The following ANGPTL5 variants were observed in gnomAD, a reference collection of about 807,000 sequenced individuals.
The protein encoded by ANGPTL5 is angiopoietin-related protein 5.
Under a neutral mutation model 39.4 loss-of-function variants are expected in ANGPTL5, and 34 were observed. The ratio of observed to expected loss-of-function variants is 0.86; its 90% CI spans 0.66 to 1.15. ANGPTL5 has a LOEUF of 1.15. ANGPTL5 is among the 50% of genes most tolerant of loss of function. The pLI, the probability that ANGPTL5 is intolerant of heterozygous loss-of-function variation, is 0.00. For missense variants in ANGPTL5, 467 were observed against 457.5 expected, an observed-to-expected ratio of 1.02 and a Z score of -0.19; for synonymous variants, 146 against 152.1, an observed-to-expected ratio of 0.96 and a Z score of 0.29.
At chr11:101,915,136 C>G (rs1440901784) in intron 1 of ANGPTL5, 1 of 1,214,306 alleles carries the variant, frequency 8.2e-7, no homozygotes, top group Admixed American at 2.6e-5. Flanking sequence ...TGCGCGGGAG[C>G]TAGGGCTGTC....
Position 101,891,341 on chromosome 11 carries a change from G to A in ANGPTL5, c.1105C>T (p.Pro369Ser). Reference sequence around the variant, plus strand: ...ATTGAAACAGATTTAATCTTGACAGGTGAGTTGTTTTTGGTCCACGTGCCC... The same window carrying A: ...ATTGAAACAGATTTAATCTTGACAGATGAGTTGTTTTTGGTCCACGTGCCC... ...QWGTWTKNNS[P>S]VKIKSVSMKI... The change falls in exon 9 of 9, where the codon CCT (proline) becomes TCT (serine). Residue 369 changes from proline to serine, a missense_variant. By Grantham distance (74) the Pro-to-Ser change is moderately conservative. Coordinates refer to ENST00000334289, the MANE Select transcript of ANGPTL5 (RefSeq NM_178127.5). 1.2e-6 allele frequency: 2 copies of A among 1,613,994 alleles called. No individual in the cohort carries two copies. The highest frequency in any genetic ancestry group is 1.7e-6 in the Non-Finnish European group (2 of 1,179,962).
At chr11:101,895,087 T>C (rs1283944659) in intron 7 of ANGPTL5, 23 bp from the exon 8 acceptor site, 2 of 1,437,298 alleles carry the variant, frequency 1.4e-6, no homozygotes, top group Non-Finnish European at 9.6e-7. Context: ...TGCTTTGTTT[T>C]AATATATTTT....
At chr11:101,909,185 T>G (rs955310462) in intron 1 of ANGPTL5, among the ~76,000 whole-genome samples, 7 of 152,242 alleles carry the variant, frequency 4.6e-5, no homozygotes, top group Non-Finnish European at 1.0e-4. Context: ...TTAAAATAAT[T>G]ATCTGTTCTC....
At chr11:101,905,631 A>C in intron 4 of ANGPTL5, 113 bp downstream of exon 4, 1 of 742,152 alleles carries the variant, frequency 1.3e-6, no homozygotes, top group East Asian at 2.7e-5. Flanking sequence ...CTAACATGGT[A>C]GGCGCTAAAT....
In ANGPTL5 at chr11:101,905,771, T is replaced by C. The variant is rs763694973; in HGVS notation, c.318A>G (p.Gln106=). The change falls in exon 4 of 9, where the codon CAA becomes CAG. Residue 106 remains glutamine, a synonymous_variant. Coordinates refer to ENST00000334289, the MANE Select transcript of ANGPTL5 (RefSeq NM_178127.5). The part of the protein sequence containing the change: ...KLLRNMMDEQ[Q]ASLDYLSNQV... ...GATTAGATAAATAATCCAAGGAAGC[T>C]TGTTGCTCATCCATCATATTCCTTA... 5 of 1,610,556 alleles carry C rather than the reference T, an allele frequency of 3.1e-6. No homozygotes were observed. The highest frequency in any genetic ancestry group is 4.2e-6 in the Non-Finnish European group (5 of 1,177,416).
At chr11:101,901,510 G>T (rs1478861021) in intron 6 of ANGPTL5, among the ~76,000 whole-genome samples, 2 of 152,096 alleles carry the variant, frequency 1.3e-5, no homozygotes, top group Non-Finnish European at 2.9e-5. Flanking sequence ...GGCACCCATA[G>T]AAGCGATATA....
intron 7 of ANGPTL5, among the ~76,000 whole-genome samples, chr11:101,898,591 C>G (rs553288114): frequency 3.2e-4 from 49 of 152,314 alleles, no homozygotes; most frequent in Middle Eastern, 6.8e-3. Flanking sequence ...CATCTGCAAA[C>G]AGAGACAATT....
chr11:101,912,667 T>G (rs1305574732), intron 1 of ANGPTL5, among the ~76,000 whole-genome samples: 1 of 152,210 alleles, frequency 6.6e-6, no homozygotes, highest in Admixed American at 6.5e-5. Context: ...GAATGAAGAA[T>G]AATTATATAA....
intron 8 of ANGPTL5, 74 bp downstream of exon 8, chr11:101,894,805 A>G: frequency 7.3e-7 from 1 of 1,360,690 alleles, no homozygotes; most frequent in Non-Finnish European, 1.0e-6. Context: ...CAAATGCATT[A>G]TTTTTATCTT....
Position 101,907,139 on chromosome 11 carries a change from T to C in ANGPTL5, c.205A>G (p.Thr69Ala), listed in dbSNP as rs768146804. Reference protein sequence around the residue: ...EDCEESCDVKTKITREEKHFM... With the variant: ...EDCEESCDVKAKITREEKHFM... ...TGTTTTTCTTCTCGTGTAATTTTAGTTTTAACATCACATGATTCCTCACAG... is the reference window on the plus strand; with the variant it reads ...TGTTTTTCTTCTCGTGTAATTTTAGCTTTAACATCACATGATTCCTCACAG... The change falls in exon 3 of 9, where the codon ACT (threonine) becomes GCT (alanine). Residue 69 changes from threonine (T) to alanine (A), a missense_variant. Thr to Ala is a moderately conservative substitution (Grantham distance 58, BLOSUM62 0). Transcript: ENST00000334289. 2 of 1,589,942 alleles carry C rather than the reference T, an allele frequency of 1.3e-6. No individual in the cohort carries two copies. Among genetic ancestry groups the C allele is most frequent in the Middle Eastern group, 1.7e-4 (1 of 5,976 alleles).
chr11:101,905,713 C>T (rs1939987510), intron 4 of ANGPTL5, 31 bp downstream of exon 4: 1 of 1,418,658 alleles, frequency 7.0e-7, no homozygotes, highest in Non-Finnish European at 9.9e-7. Flanking sequence ...CGTGTACATG[C>T]AATAACAACA....
chr11:101,913,236 TA>T (rs1043477383), intron 1 of ANGPTL5, among the ~76,000 whole-genome samples: 2 of 152,078 alleles, frequency 1.3e-5, no homozygotes, highest in Non-Finnish European at 2.9e-5. Context: ...CTTTGTGTCC[TA>T]AAAAAAATTT....
At chr11:101,905,170 A>T (rs561394629) in intron 4 of ANGPTL5, among the ~76,000 whole-genome samples, 3 of 152,164 alleles carry the variant, frequency 2.0e-5, no homozygotes, top group Admixed American at 6.5e-5. Flanking sequence ...TGTCCAAACC[A>T]TTGCTGTAGT....
At chr11:101,895,492 T>G (rs1591251342) in intron 7 of ANGPTL5, among the ~76,000 whole-genome samples, 1 of 152,184 alleles carries the variant, frequency 6.6e-6, no homozygotes, top group Non-Finnish European at 1.5e-5. Context: ...AATGAGAAGG[T>G]TTAACCTCCA....
intron 1 of ANGPTL5, chr11:101,915,069 G>C (rs115730613): frequency 5.2e-6 from 3 of 577,930 alleles, no homozygotes; most frequent in Non-Finnish European, 8.6e-6. Flanking sequence ...ATCTGCTATT[G>C]CCCGGCGAGG....
chr11:101,891,701 T>C (rs919732189), intron 8 of ANGPTL5, 103 bp from the exon 9 acceptor site: 1 of 1,141,492 alleles, frequency 8.8e-7, no homozygotes, highest in African/African-American at 1.5e-5. Flanking sequence ...GGAAATAGGG[T>C]TTAAATTATT....
At chr11:101,900,777 TCAAA>T (rs1055824040) in intron 6 of ANGPTL5, among the ~76,000 whole-genome samples, 104 of 152,290 alleles carry the variant, frequency 6.8e-4, no homozygotes, top group African/African-American at 2.3e-3. Context: ...CTGTTTATTA[TCAAA>T]CAAATTTGTA....
At chr11:101,901,844 T>C (rs1277732154) in intron 6 of ANGPTL5, among the ~76,000 whole-genome samples, 1 of 152,084 alleles carries the variant, frequency 6.6e-6, no homozygotes, top group Non-Finnish European at 1.5e-5. Flanking sequence ...AAAAAGTGAC[T>C]TTATTATCCA....
intron 8 of ANGPTL5, among the ~76,000 whole-genome samples, chr11:101,893,794 C>T (rs1306603526): frequency 6.6e-6 from 1 of 152,148 alleles, no homozygotes; most frequent in Non-Finnish European, 1.5e-5. Context: ...GTGTAAACCC[C>T]TCAGGTATCA....
Sources: gnomAD v4.1 joint callset for allele counts (sites outside exome capture counted in the v4.1 genomes callset) on GRCh38, gnomAD v4.1.1 for gene constraint, MANE v1.5 for transcripts, NCBI Gene and HGNC (gene_info 2026-07-23, HGNC 2026-07-21) for gene names.